Variants in RNF144B observed in about 807,000 individuals in gnomAD.
RNF144B encodes the protein E3 ubiquitin-protein ligase RNF144B.
Under a neutral mutation model 40.2 loss-of-function variants are expected in RNF144B, and 25 were observed. The observed-to-expected ratio is 0.62, with a 90% CI of 0.45 to 0.87. RNF144B has a LOEUF of 0.87. Ranked by LOEUF, RNF144B falls within the 40% of genes least tolerant of loss-of-function variation. The probability of loss-of-function intolerance (pLI) is 0.00; values close to 1 mark genes in which losing one functional copy is unlikely to be tolerated. For synonymous variants in RNF144B, 145 were observed against 136.3 expected (o/e 1.06, Z -0.44); for missense variants, 365 against 373.7 (o/e 0.98, Z 0.19).
chr6:18,461,981 T>G (rs1759465518), intron 6 of RNF144B, among the ~76,000 whole-genome samples: 1 of 152,226 alleles, frequency 6.6e-6, no homozygotes, highest in Non-Finnish European at 1.5e-5. Flanking sequence ...ATCCTATTCC[T>G]GTCCATAGCC....
intron 4 of RNF144B, among the ~76,000 whole-genome samples, chr6:18,449,697 G>GTACATATATA (rs1554181756): frequency 2.7e-5 from 4 of 149,284 alleles, no homozygotes; most frequent in African/African-American, 4.9e-5. Flanking sequence ...GTGTTTTGAA[G>GTACATATATA]TATATATATA....
chr6:18,430,981 G>A (rs1344972792), intron 3 of RNF144B, among the ~76,000 whole-genome samples: 2 of 152,056 alleles, frequency 1.3e-5, no homozygotes, highest in South Asian at 2.1e-4. Flanking sequence ...AGTGGCTCAC[G>A]CCTGTAATCC....
intron 2 of RNF144B, among the ~76,000 whole-genome samples, chr6:18,415,328 C>G (rs1475533520): frequency 3.3e-5 from 5 of 152,124 alleles, no homozygotes; most frequent in Non-Finnish European, 7.3e-5. Context: ...GTTCTGAAGG[C>G]TGGAAAGTCC....
intron 2 of RNF144B, among the ~76,000 whole-genome samples, chr6:18,404,960 T>C (rs536056384): frequency 6.6e-6 from 1 of 152,146 alleles, no homozygotes; most frequent in African/African-American, 2.4e-5. Context: ...CACAGAATGA[T>C]TCTCTGTCCC....
At position 18,465,017 on chromosome 6, in the gene RNF144B, T is replaced by C. The variant is rs775561336; in HGVS notation, c.862T>C (p.Cys288Arg). Residue 288 changes from cysteine to arginine, a missense_variant, in exon 8 of 8, where the codon TGC becomes CGC. Coordinates refer to ENST00000259939, the MANE Select transcript of RNF144B (RefSeq NM_182757.4). The stretch of plus-strand genomic sequence containing the variant: ...CTCCCCATGTATAATCTGTTGTGTC[T>C]GCAAGTCCTGTCGGGGCAAGAAGAA... ...LASPCIICCV[C>R]KSCRGKKKKH... 1 of 1,613,908 alleles carries C rather than the reference T, an allele frequency of 6.2e-7. No individual in the cohort carries two copies. Among genetic ancestry groups the C allele is most frequent in the Non-Finnish European group, 8.5e-7 (1 of 1,179,932 alleles).
chr6:18,392,035 TAAAAAAAAAAAAAA>T (rs10643409), intron 1 of RNF144B, among the ~76,000 whole-genome samples: 1 of 71,064 alleles, frequency 1.4e-5, no homozygotes, highest in South Asian at 7.1e-4. Context: ...CCATCTCTAC[TAAAAAAAAAAAAAA>T]AAAAAAAAAA....
intron 2 of RNF144B, among the ~76,000 whole-genome samples, chr6:18,415,102 A>G (rs923349451): frequency 5.3e-5 from 8 of 152,174 alleles, no homozygotes; most frequent in Admixed American, 2.0e-4. Context: ...ATCTATATAA[A>G]TGGGTTTTCT....
chr6:18,466,648 T>C lies in RNF144B; in HGVS notation c.*1581T>C, dbSNP rs969187639. On this transcript the variant is annotated 3_prime_UTR_variant, in exon 8 of 8. Coordinates refer to ENST00000259939, the MANE Select transcript of RNF144B (RefSeq NM_182757.4). ...AGAGTTCTTGAAGCCAGGGATACCA[T>C]ATCAGGAACTATTCAGGATCTATGA... 7.9e-5 allele frequency: 12 copies of C among 152,674 alleles called. No individual in the cohort carries two copies. The highest frequency in any genetic ancestry group is 2.9e-4 in the African/African-American group (12 of 41,464). The allele number at this position is 152,674 out of a possible 1,614,324, so 9.5% of individuals were successfully genotyped here. A position where few individuals can be genotyped will look rare whatever the true frequency, so the allele number is the denominator to read the frequency against.
At chr6:18,426,361 T>G (rs1026265437) in intron 2 of RNF144B, among the ~76,000 whole-genome samples, 6 of 152,194 alleles carry the variant, frequency 3.9e-5, no homozygotes, top group African/African-American at 1.4e-4. Flanking sequence ...AGAAAAGGTT[T>G]ACCGATTATG....
At chr6:18,451,075 C>G (rs1342631351) in intron 4 of RNF144B, among the ~76,000 whole-genome samples, 2 of 152,194 alleles carry the variant, frequency 1.3e-5, no homozygotes, top group African/African-American at 2.4e-5. Context: ...ACCTCTACCC[C>G]AAGAGATCCT....
rs1324232324 is a variant in RNF144B at position 18,405,165 on chromosome 6, A to ATTATTATTATTG, written c.165+5478_165+5489dup. On this transcript the variant is annotated intron_variant, in intron 2 of 7. Transcript: ENST00000259939. This position sits in a 1 kb window ranked among gnomAD's most constrained non-coding sequence, Gnocchi z 4.5. ...AGTTTTTTTCTTTATTATTATTATT[A>ATTATTATTATTG]TTATTATTATTGTTATTATTATTTT... is the stretch of plus-strand genomic sequence containing the variant. 6.7e-6 allele frequency among the ~76,000 whole-genome samples: 1 copy of ATTATTATTATTG among 148,528 alleles called. No individual in the cohort carries two copies. Among genetic ancestry groups the ATTATTATTATTG allele is most frequent in the African/African-American group, 2.5e-5 (1 of 40,400 alleles).
chr6:18,443,975 T>C lies in RNF144B; in HGVS notation c.331+4231T>C, dbSNP rs1759021285. ...AGATTGCTGCTGCTCTGGAAAAACG[T>C]AGAATCAGAGTAGATGCAGTACTAT... On this transcript the variant is annotated intron_variant, in intron 4 of 7. Transcript: ENST00000259939. This position sits in a 1 kb window ranked among gnomAD's most constrained non-coding sequence, Gnocchi z 4.7. 1.3e-5 allele frequency among the ~76,000 whole-genome samples: 2 copies of C among 152,198 alleles called. No individual in the cohort carries two copies. The highest frequency in any genetic ancestry group is 4.8e-5 in the African/African-American group (2 of 41,446).
At chr6:18,411,486 TA>T (rs60951159) in intron 2 of RNF144B, among the ~76,000 whole-genome samples, 4,688 of 36,314 alleles carry the variant, frequency 0.13, 332 homozygotes, top group Non-Finnish European at 0.16. Flanking sequence ...TATATATATA[TA>T]TATATATATA....
chr6:18,431,049 G>A (rs1210295189), intron 3 of RNF144B, among the ~76,000 whole-genome samples: 1 of 151,706 alleles, frequency 6.6e-6, no homozygotes, highest in African/African-American at 2.4e-5. Context: ...GAGACCATCC[G>A]GGCTAACACA....
In RNF144B at chr6:18,459,960, G is replaced by A. The variant is rs968568150; in HGVS notation, c.681+209G>A. On this transcript the variant is annotated intron_variant, in intron 6 of 7. Transcript: ENST00000259939. The surrounding 1 kb of genome is among the most constrained non-coding windows in gnomAD (Gnocchi z 4.2). ...TTACATATGCCACCCTGGTGTTAAA[G>A]GCAAGCTTTTGTTTTCAGGGCATTT... is the stretch of plus-strand genomic sequence containing the variant. Among the ~76,000 whole-genome samples, 2 of 152,152 alleles carry A rather than the reference G, an allele frequency of 1.3e-5. No individual in the cohort carries two copies. The highest frequency in any genetic ancestry group is 2.9e-5 in the Non-Finnish European group (2 of 68,026).
At chr6:18,437,649 C>A (rs1758853300) in intron 3 of RNF144B, among the ~76,000 whole-genome samples, 1 of 152,072 alleles carries the variant, frequency 6.6e-6, no homozygotes, top group Non-Finnish European at 1.5e-5. Flanking sequence ...ATGAGAAATC[C>A]AAAGTACCAT....
Position 18,457,175 on chromosome 6 carries a change from C to T in RNF144B, c.352C>T (p.Arg118Ter), listed in dbSNP as rs775738367. The change falls in exon 5 of 8, where the codon CGA (arginine) becomes TGA (stop). Residue 118 changes from arginine to a stop codon, truncating the protein, a stop_gained. Coordinates refer to ENST00000259939, the MANE Select transcript of RNF144B (RefSeq NM_182757.4). LOFTEE classifies it high-confidence loss of function. This position sits in a 1 kb window ranked among gnomAD's most constrained non-coding sequence, Gnocchi z 5.1. The part of the protein sequence containing the change: ...FEREVHLDPY[R>*]TWCPVADCQT... ...TTTAGAAGTTCATCTGGACCCCTACCGAACATGGTGTCCTGTTGCAGACTG... is the reference window on the plus strand; with the variant it reads ...TTTAGAAGTTCATCTGGACCCCTACTGAACATGGTGTCCTGTTGCAGACTG... 18 of 1,613,594 alleles carry T rather than the reference C, an allele frequency of 1.1e-5. No homozygotes were observed. The highest frequency in any genetic ancestry group is 6.7e-5 in the East Asian group (3 of 44,868).
chr6:18,433,918 G>A (rs12528137), intron 3 of RNF144B, among the ~76,000 whole-genome samples: 19,405 of 152,110 alleles, frequency 0.13, 1,386 homozygotes, highest in Admixed American at 0.19. Context: ...ACATTGATCC[G>A]CACAGTGAGT....
intron 2 of RNF144B, among the ~76,000 whole-genome samples, chr6:18,421,271 TATACACACACACACACACACAC>T (rs1186440070): frequency 3.8e-5 from 5 of 131,008 alleles, no homozygotes; most frequent in Admixed American, 7.3e-5. Flanking sequence ...AATTATATAT[TATACACACACACACACACACAC>T]ACACACACAC....
Sources: allele counts gnomAD v4.1 joint callset (sites outside exome capture counted in the v4.1 genomes callset), GRCh38; gene constraint gnomAD v4.1.1; non-coding constraint Gnocchi (gnomAD v3.1); transcripts MANE v1.5; gene names NCBI Gene and HGNC (gene_info 2026-07-23, HGNC 2026-07-21).